LRP1B: variants seen among roughly 807,000 people sequenced by gnomAD.
LRP1B encodes the protein LDL receptor related protein 1B.
In LRP1B, 217 loss-of-function variants were observed where a neutral mutation model predicts 556.6. The ratio of observed to expected loss-of-function variants is 0.39; its 90% confidence interval spans 0.35 to 0.44. LRP1B has a LOEUF of 0.44. Among genes scored for constraint, LRP1B ranks in the 20% least tolerant of loss-of-function variants. The pLI, the probability that LRP1B is intolerant of heterozygous loss-of-function variation, is 1.00. For missense variants in LRP1B, 5,053 were observed against 5,620.8 expected (o/e 0.90, Z 3.23); for synonymous variants, 2,047 against 1,865.8 (o/e 1.10, Z -2.50).
chr2:140,487,665 G>A lies in LRP1B; in HGVS notation c.9195C>T (p.Pro3065=), dbSNP rs1688524757. Reference sequence around the variant, plus strand: ...ACATTCTATTTATGCGACTGCCATTGGGTCGGCTAGAATCGATCCAATAGA... The same window carrying A: ...ACATTCTATTTATGCGACTGCCATTAGGTCGGCTAGAATCGATCCAATAGA... ...EFIYWIDSSR[P]NGSRINRMCL... is the part of the protein sequence containing the mutation. The change falls in exon 58 of 91, where the codon CCC becomes CCT. Residue 3065 remains proline, a synonymous_variant. Transcript: ENST00000389484. 1 of 1,607,230 alleles carries A rather than the reference G, an allele frequency of 6.2e-7. No homozygotes were observed. The highest frequency in any genetic ancestry group is 1.3e-5 in the African/African-American group (1 of 74,504).
intron 47 of LRP1B, among the ~76,000 whole-genome samples, chr2:140,527,769 T>C (rs1048244088): frequency 1.3e-5 from 2 of 151,964 alleles, no homozygotes; most frequent in East Asian, 3.9e-4. Context: ...TCAATAGAAA[T>C]AGTAAATGCA....
At chr2:142,037,999 C>G (rs1033326161) in intron 1 of LRP1B, among the ~76,000 whole-genome samples, 2 of 151,414 alleles carry the variant, frequency 1.3e-5, no homozygotes, top group African/African-American at 2.4e-5. Flanking sequence ...CTGGAGTGCT[C>G]TTATGTTTAA....
At chr2:140,833,345 G>A (rs1003104928) in intron 31 of LRP1B, among the ~76,000 whole-genome samples, 3 of 152,114 alleles carry the variant, frequency 2.0e-5, no homozygotes, top group Admixed American at 6.5e-5. Flanking sequence ...AGTAGGAGGC[G>A]TTCTTTACCA....
At chr2:140,739,413 A>G (rs1688062111) in intron 35 of LRP1B, among the ~76,000 whole-genome samples, 1 of 152,154 alleles carries the variant, frequency 6.6e-6, no homozygotes, top group Non-Finnish European at 1.5e-5. Flanking sequence ...AATAGATGGA[A>G]TCAGAGCACC....
At chr2:140,875,215 A>G (rs1014122584) in intron 25 of LRP1B, among the ~76,000 whole-genome samples, 18 of 152,250 alleles carry the variant, frequency 1.2e-4, no homozygotes, top group African/African-American at 4.3e-4. Context: ...TGATATTGTA[A>G]AGGCAGATTT....
intron 3 of LRP1B, among the ~76,000 whole-genome samples, chr2:141,349,361 T>C (rs1170471610): frequency 1.3e-5 from 2 of 151,982 alleles, no homozygotes; most frequent in African/African-American, 4.8e-5. Flanking sequence ...CTCAGCTTTG[T>C]CAATTAGAGT....
intron 3 of LRP1B, among the ~76,000 whole-genome samples, chr2:141,338,298 T>C (rs1687922888): frequency 6.6e-6 from 1 of 151,972 alleles, no homozygotes; most frequent in African/African-American, 2.4e-5. Context: ...ACACAGATAA[T>C]AGAGAAAAGA....
intron 6 of LRP1B, among the ~76,000 whole-genome samples, chr2:141,210,916 C>T (rs1352638325): frequency 6.6e-6 from 1 of 152,148 alleles, no homozygotes; most frequent in African/African-American, 2.4e-5. Context: ...TCTTTGCAGC[C>T]TAACAGCTAA....
chr2:140,962,797 T>C (rs2105317195), intron 18 of LRP1B, among the ~76,000 whole-genome samples: 1 of 152,362 alleles, frequency 6.6e-6, no homozygotes, highest in South Asian at 2.1e-4. Flanking sequence ...TGTTGTTATT[T>C]ATTTCATTTC....
intron 1 of LRP1B, among the ~76,000 whole-genome samples, chr2:142,048,720 C>T (rs7605112): frequency 0.43 from 65,647 of 151,666 alleles, 16,051 homozygotes; most frequent in East Asian, 0.69. Flanking sequence ...TCTTCATTTC[C>T]AAGGCAAATA....
At chr2:140,321,871 G>A (rs2105052617) in intron 82 of LRP1B, 92 bp downstream of exon 82, 1 of 1,282,762 alleles carries the variant, frequency 7.8e-7, no homozygotes, top group Non-Finnish European at 1.1e-6. Flanking sequence ...CTAAACTGAT[G>A]ATGGAACAGA....
intron 51 of LRP1B, among the ~76,000 whole-genome samples, chr2:140,510,706 G>T (rs1283028245): frequency 6.6e-6 from 1 of 152,080 alleles, no homozygotes; most frequent in Non-Finnish European, 1.5e-5. Flanking sequence ...ATGCATGCAC[G>T]TTCCATTTTT....
intron 7 of LRP1B, among the ~76,000 whole-genome samples, chr2:141,102,444 T>C (rs542147081): frequency 1.3e-5 from 2 of 152,112 alleles, no homozygotes; most frequent in South Asian, 2.1e-4. Flanking sequence ...AAAGGGATTA[T>C]TGCAGCGACA....
chr2:140,887,377 T>G (rs1305667483), intron 23 of LRP1B, among the ~76,000 whole-genome samples: 1 of 152,208 alleles, frequency 6.6e-6, no homozygotes, highest in East Asian at 1.9e-4. Context: ...AATTTTTGCA[T>G]ATGGTATGAG....
intron 1 of LRP1B, among the ~76,000 whole-genome samples, chr2:142,038,419 A>G (rs1315727704): frequency 4.0e-5 from 6 of 151,788 alleles, no homozygotes; most frequent in Non-Finnish European, 5.9e-5. Flanking sequence ...GGAGCTACAT[A>G]AAATTGCTGA....
At chr2:140,515,217 G>C (rs1373138748) in intron 50 of LRP1B, among the ~76,000 whole-genome samples, 1 of 151,922 alleles carries the variant, frequency 6.6e-6, no homozygotes, top group Admixed American at 6.6e-5. Flanking sequence ...AGATATGTTT[G>C]TTTTTAAAGG....
At chr2:141,406,793 G>A (rs564560900) in intron 3 of LRP1B, among the ~76,000 whole-genome samples, 1 of 152,152 alleles carries the variant, frequency 6.6e-6, no homozygotes, top group East Asian at 1.9e-4. Flanking sequence ...TGACTTATAA[G>A]TAACCCTGGT....
chr2:140,928,708 A>T (rs1694959092), intron 20 of LRP1B, among the ~76,000 whole-genome samples: 1 of 152,124 alleles, frequency 6.6e-6, no homozygotes, highest in Non-Finnish European at 1.5e-5. Context: ...GATGACTGCC[A>T]TCAGGAATGA....
chr2:140,617,758 A>G (rs1415897148), intron 41 of LRP1B, among the ~76,000 whole-genome samples: 1 of 152,068 alleles, frequency 6.6e-6, no homozygotes, highest in East Asian at 1.9e-4. Context: ...TATAAAAAGT[A>G]AGTTCTATTT....
Sources: gnomAD v4.1 joint callset for allele counts (sites outside exome capture counted in the v4.1 genomes callset) on GRCh38, gnomAD v4.1.1 for gene constraint, MANE v1.5 for transcripts, NCBI Gene and HGNC (gene_info 2026-07-23, HGNC 2026-07-21) for gene names.